The following TSPAN11 variants were observed in gnomAD, a reference collection of about 807,000 sequenced individuals.
The protein encoded by TSPAN11 is tetraspanin 11.
TSPAN11 carries 29 observed loss-of-function variants against 32.9 expected under a neutral mutation model. That is an observed-to-expected ratio of 0.88 (90% CI 0.66 to 1.20). TSPAN11 has a LOEUF of 1.20. Among genes scored for constraint, TSPAN11 ranks in the 50% most tolerant of loss-of-function variants. The pLI is 0.00. For missense variants in TSPAN11, 283 were observed against 329.1 expected (o/e 0.86, Z 1.08); for synonymous variants, 140 against 141.3 (o/e 0.99, Z 0.07).
Position 30,994,637 on chromosome 12 carries a change from C to T in TSPAN11, c.*2722C>T, listed in dbSNP as rs562118358. The T allele has an allele frequency of 2.0e-5, 3 of 152,358 alleles. No individual in the cohort carries two copies. The highest frequency in any genetic ancestry group is 7.2e-5 in the African/African-American group (3 of 41,566). 9.4% of individuals were successfully genotyped at this position (152,358 alleles called of 1,614,324 possible). On this transcript the variant is annotated 3_prime_UTR_variant, in exon 8 of 8. Transcript: ENST00000546076. ...TTTGTGACCGTTCTTGTCTTTCTCC[C>T]TCCTGCTTCCCCGGCACCCTAGCCC...
chr12:30,986,691 G>A, intron 7 of TSPAN11: 1 of 152,230 alleles, frequency 6.6e-6, no homozygotes, highest in East Asian at 1.9e-4. Context: ...GATGGTTTGT[G>A]AACACTGAAA....
At chr12:30,931,978 A>G (rs1937942173) in intron 1 of TSPAN11, among the ~76,000 whole-genome samples, 1 of 151,512 alleles carries the variant, frequency 6.6e-6, no homozygotes, top group Admixed American at 6.6e-5. Flanking sequence ...AAGCTTGGCA[A>G]ACAGTAGGAA....
At chr12:30,978,199 A>C in intron 3 of TSPAN11, 1 of 213,120 alleles carries the variant, frequency 4.7e-6, no homozygotes, top group East Asian at 1.1e-4. Context: ...CACCATTTCT[A>C]GAGCTTACCC....
chr12:30,952,559 C>G (rs1938402692), intron 1 of TSPAN11, among the ~76,000 whole-genome samples: 1 of 152,178 alleles, frequency 6.6e-6, no homozygotes, highest in Admixed American at 6.5e-5. Flanking sequence ...TTCCCTCTTC[C>G]TTTCTTCCTG....
intron 3 of TSPAN11, among the ~76,000 whole-genome samples, chr12:30,976,364 G>A (rs1288963413): frequency 2.0e-5 from 3 of 152,160 alleles, no homozygotes; most frequent in Non-Finnish European, 2.9e-5. Context: ...GCTGAGCCAC[G>A]TTTTTCTAAT....
intron 1 of TSPAN11, among the ~76,000 whole-genome samples, chr12:30,942,826 C>T (rs554320480): frequency 4.0e-4 from 61 of 152,112 alleles, no homozygotes; most frequent in African/African-American, 1.4e-3. Flanking sequence ...GGTTTTAATT[C>T]GAGTTCTACT....
chr12:30,954,786 C>T (rs1032926025), intron 2 of TSPAN11: 2 of 152,184 alleles, frequency 1.3e-5, no homozygotes, highest in African/African-American at 2.4e-5. Context: ...ATGGTGGAGC[C>T]TTGGGCAACT....
At position 30,985,765 on chromosome 12, in the gene TSPAN11, C is replaced by A. The variant is rs1939189046; in HGVS notation, c.702+2615C>A. The stretch of plus-strand genomic sequence containing the variant: ...AGGGCAGGGAGCAGGACTGCGGATG[C>A]CCAGAGCCGACGGTCAAGGTAAACC... On this transcript the variant is annotated intron_variant, in intron 7 of 7. Transcript: ENST00000546076. Among the ~76,000 whole-genome samples the A allele has an allele frequency of 2.0e-5, 3 of 152,360 alleles. No homozygotes were observed. The East Asian group carries it at 5.8e-4, about 29-fold the overall frequency.
At chr12:30,963,106 C>G (rs1342580361) in intron 2 of TSPAN11, among the ~76,000 whole-genome samples, 1 of 152,150 alleles carries the variant, frequency 6.6e-6, no homozygotes, top group Non-Finnish European at 1.5e-5. Context: ...AAAGGGGAAT[C>G]AGACAATTAG....
At chr12:30,932,445 CTCAACTACTCA>C (rs1490397593) in intron 1 of TSPAN11, among the ~76,000 whole-genome samples, 3 of 152,184 alleles carry the variant, frequency 2.0e-5, no homozygotes, top group Admixed American at 6.5e-5. Context: ...CATTGCTGCT[CTCAACTACTCA>C]TCAATGCACT....
intron 2 of TSPAN11, among the ~76,000 whole-genome samples, chr12:30,957,725 TTCCC>T (rs1938517774): frequency 1.1e-4 from 4 of 35,310 alleles, no homozygotes; most frequent in Non-Finnish European, 9.2e-5. Flanking sequence ...CCTTCCTTCC[TTCCC>T]TCCTTCCCTC....
At chr12:31,003,317 T>C in the TSPAN11 span, among the ~76,000 whole-genome samples, 2 of 152,190 alleles carry the variant, frequency 1.3e-5, no homozygotes, top group Non-Finnish European at 2.9e-5. Flanking sequence ...GAGGAACATC[T>C]ACTCTATGCA....
In TSPAN11 at chr12:30,995,991, G is replaced by A. The variant is rs946835615; in HGVS notation, c.*4076G>A. ...ACGCTCAGGGTCCATGAGTACCTCA[G>A]GCTGTCCAGCTGAGCTCCACCTGCA... On this transcript the variant is annotated 3_prime_UTR_variant, in exon 8 of 8. Coordinates refer to ENST00000546076, the MANE Select transcript of TSPAN11 (RefSeq NM_001370302.1). The A allele has an allele frequency of 6.6e-6, 1 of 152,228 alleles. No homozygotes were observed. The allele number at this position is 152,228 out of a possible 1,614,324, so 9.4% of individuals were successfully genotyped here. A position where few individuals can be genotyped will look rare whatever the true frequency, so the allele number is the denominator to read the frequency against.
At chr12:30,943,928 T>C (rs777778204) in intron 1 of TSPAN11, among the ~76,000 whole-genome samples, 2 of 152,222 alleles carry the variant, frequency 1.3e-5, no homozygotes, top group Admixed American at 6.5e-5. Flanking sequence ...AATTAAGTTA[T>C]AAATTAAACC....
In TSPAN11 at chr12:30,947,707, C is replaced by T. The variant is rs370180652; in HGVS notation, c.-11-6274C>T. Among the ~76,000 whole-genome samples, 4 of 152,170 alleles carry T rather than the reference C, an allele frequency of 2.6e-5. No homozygotes were observed. The East Asian group carries it at 7.7e-4, about 29-fold the overall frequency. On this transcript the variant is annotated intron_variant, in intron 1 of 7. Coordinates refer to ENST00000546076, the MANE Select transcript of TSPAN11 (RefSeq NM_001370302.1). ...GTCCCTCCCACAACATATGGGAATTCTGGGAGATATAATTCAAGTTGACAT... is the reference window on the plus strand; with the variant it reads ...GTCCCTCCCACAACATATGGGAATTTTGGGAGATATAATTCAAGTTGACAT...
chr12:30,941,333 G>A (rs1565789127), intron 1 of TSPAN11, among the ~76,000 whole-genome samples: 1 of 152,200 alleles, frequency 6.6e-6, no homozygotes, highest in Non-Finnish European at 1.5e-5. Context: ...ACTGCTCTTA[G>A]TACCATGCCT....
intron 3 of TSPAN11, among the ~76,000 whole-genome samples, chr12:30,974,219 G>A (rs1198750780): frequency 6.6e-6 from 1 of 152,206 alleles, no homozygotes; most frequent in Non-Finnish European, 1.5e-5. Context: ...CAGTGCATAG[G>A]GACACATACG....
intron 3 of TSPAN11, among the ~76,000 whole-genome samples, chr12:30,966,817 G>C (rs1292546129): frequency 6.6e-6 from 1 of 152,234 alleles, no homozygotes; most frequent in African/African-American, 2.4e-5. Context: ...AGAGACAGGG[G>C]TGTAGTGAGG....
intron 2 of TSPAN11, among the ~76,000 whole-genome samples, chr12:30,959,373 G>A (rs993558851): frequency 1.3e-5 from 2 of 152,038 alleles, no homozygotes; most frequent in African/African-American, 2.4e-5. Context: ...GAAGAGAAAG[G>A]GCAGAGAGAA....
Sources: allele counts gnomAD v4.1 joint callset (sites outside exome capture counted in the v4.1 genomes callset), GRCh38; gene constraint gnomAD v4.1.1; transcripts MANE v1.5; gene names NCBI Gene and HGNC (gene_info 2026-07-23, HGNC 2026-07-21).